The following ARAP2 variants were observed in gnomAD, a reference collection of about 807,000 sequenced individuals.
The protein encoded by ARAP2 is arf-GAP with Rho-GAP domain, ANK repeat and PH domain-containing protein 2.
ARAP2 carries 148 observed loss-of-function variants against 194.5 expected under a neutral mutation model. The observed-to-expected ratio is 0.76, with a 90% CI of 0.67 to 0.87. ARAP2 has a LOEUF of 0.87. Among genes scored for constraint, ARAP2 ranks in the 40% least tolerant of loss-of-function variants. The pLI, the probability that ARAP2 is intolerant of heterozygous loss-of-function variation, is 0.00. For missense variants in ARAP2, 2,128 were observed against 1,989.7 expected (o/e 1.07, Z -1.32); for synonymous variants, 695 against 683.5 (o/e 1.02, Z -0.26).
chr4:36,121,384 C>G, intron 22 of ARAP2, 58 bp from the exon 23 acceptor site: 1 of 1,459,096 alleles, frequency 6.9e-7, no homozygotes. Flanking sequence ...TTTCATAGAA[C>G]AGAAAGCCAG....
chr4:36,063,230 T>C (rs1394548218), downstream of ARAP2, among the ~76,000 whole-genome samples: 1 of 152,104 alleles, frequency 6.6e-6, no homozygotes, highest in East Asian at 1.9e-4. Flanking sequence ...ACACCGCATG[T>C]TCTCACTCAC....
At chr4:36,115,674 C>T (rs1721143710) in intron 25 of ARAP2, among the ~76,000 whole-genome samples, 2 of 152,008 alleles carry the variant, frequency 1.3e-5, no homozygotes. Context: ...AGTATTCTTA[C>T]TTCCCAGTTT....
intron 3 of ARAP2, among the ~76,000 whole-genome samples, chr4:36,050,012 A>G (rs1353775841): frequency 6.6e-6 from 1 of 152,122 alleles, no homozygotes; most frequent in East Asian, 1.9e-4. Context: ...GTTAACCCAG[A>G]TTTGTTTAGT....
At chr4:36,027,622 A>G (rs1196964070) in intron 5 of ARAP2, among the ~76,000 whole-genome samples, 1 of 152,022 alleles carries the variant, frequency 6.6e-6, no homozygotes, top group Non-Finnish European at 1.5e-5. Context: ...CAGCATGATA[A>G]TTATTATCAT....
At chr4:36,049,001 G>A (rs115254781) in intron 3 of ARAP2, among the ~76,000 whole-genome samples, 1,529 of 152,150 alleles carry the variant, frequency 0.01, 21 homozygotes, top group African/African-American at 0.035. Context: ...ACCATACTGT[G>A]TTTATTACTG....
chr4:36,235,585 GT>G (rs758679856), intron 1 of ARAP2, among the ~76,000 whole-genome samples: 3 of 152,198 alleles, frequency 2.0e-5, no homozygotes, highest in Admixed American at 1.3e-4. Flanking sequence ...ACTACTGCTG[GT>G]ATCTGTTGAC....
chr4:36,171,674 T>TA (rs1000206611), intron 9 of ARAP2, among the ~76,000 whole-genome samples: 1,583 of 149,390 alleles, frequency 0.011, 35 homozygotes, highest in African/African-American at 0.036. Context: ...GTATAATAAT[T>TA]AAAAAAAAAA....
intron 2 of ARAP2, among the ~76,000 whole-genome samples, chr4:36,221,557 C>T (rs190123837): frequency 1.4e-3 from 209 of 151,920 alleles, no homozygotes; most frequent in African/African-American, 4.8e-3. Flanking sequence ...TAAGTATATC[C>T]ATTACTGGAA....
intron 23 of ARAP2, among the ~76,000 whole-genome samples, chr4:36,120,301 TG>T (rs1258110668): frequency 1.3e-5 from 2 of 151,590 alleles, no homozygotes; most frequent in African/African-American, 4.8e-5. Context: ...TCCCACAATC[TG>T]GTGTCTATTC....
chr4:36,201,083 ATAGC>A (rs917742130), intron 6 of ARAP2, among the ~76,000 whole-genome samples: 3 of 152,244 alleles, frequency 2.0e-5, no homozygotes, highest in Non-Finnish European at 4.4e-5. Context: ...GGTAATAAAA[ATAGC>A]AAACACATAG....
At chr4:36,065,475 G>A, downstream of ARAP2, 1 of 345,288 alleles carries the variant, frequency 2.9e-6, no homozygotes, top group Non-Finnish European at 6.0e-6. Flanking sequence ...TTGATGGGCT[G>A]GCTGCAGTCC....
chr4:36,144,801 C>T (rs1234584709), intron 19 of ARAP2, among the ~76,000 whole-genome samples: 1 of 151,872 alleles, frequency 6.6e-6, no homozygotes, highest in African/African-American at 2.4e-5. Flanking sequence ...CCTTTATACA[C>T]AGATTTTTCT....
At chr4:36,226,665 T>G (rs1750385163) in intron 2 of ARAP2, among the ~76,000 whole-genome samples, 1 of 152,230 alleles carries the variant, frequency 6.6e-6, no homozygotes, top group Non-Finnish European at 1.5e-5. Context: ...TGAAATAAAT[T>G]TGTATGCTTT....
At chr4:36,181,610 A>G (rs930366858) in intron 8 of ARAP2, among the ~76,000 whole-genome samples, 7 of 152,220 alleles carry the variant, frequency 4.6e-5, no homozygotes, top group African/African-American at 1.7e-4. Context: ...AGTTCCCTCA[A>G]TGAAATTCCT....
chr4:36,088,723 G>A (rs1447110333), intron 28 of ARAP2, among the ~76,000 whole-genome samples: 1 of 152,030 alleles, frequency 6.6e-6, no homozygotes, highest in Non-Finnish European at 1.5e-5. Flanking sequence ...CCTGCTGGAG[G>A]AATACACAGA....
intron 8 of ARAP2, among the ~76,000 whole-genome samples, chr4:36,014,323 A>AAG (rs1715312159): frequency 8.5e-6 from 1 of 117,284 alleles, no homozygotes; most frequent in South Asian, 2.7e-4. Flanking sequence ...AGAAAGAAAG[A>AAG]GAGAAAGAAA....
intron 20 of ARAP2, among the ~76,000 whole-genome samples, chr4:36,129,068 T>TA (rs1303536484): frequency 1.3e-5 from 2 of 151,964 alleles, no homozygotes; most frequent in Admixed American, 6.6e-5. Flanking sequence ...GCAAACAACT[T>TA]ACCTCCATTT....
At chr4:36,181,790 C>T (rs1312532117) in intron 8 of ARAP2, among the ~76,000 whole-genome samples, 1 of 152,176 alleles carries the variant, frequency 6.6e-6, no homozygotes, top group Non-Finnish European at 1.5e-5. Flanking sequence ...GGAGTTTACA[C>T]TCTAGTGAAA....
At chr4:36,159,762 A>G (rs1269351383) in intron 13 of ARAP2, 1 of 270,672 alleles carries the variant, frequency 3.7e-6, no homozygotes, top group Non-Finnish European at 6.8e-6. Flanking sequence ...AACCTAATCC[A>G]TCATACTTGC....
Sources: gnomAD v4.1 joint callset for allele counts (sites outside exome capture counted in the v4.1 genomes callset) on GRCh38, gnomAD v4.1.1 for gene constraint, MANE v1.5 for transcripts, NCBI Gene and HGNC (gene_info 2026-07-23, HGNC 2026-07-21) for gene names.